NCAPD2: variants seen among roughly 807,000 people sequenced by gnomAD.
NCAPD2 encodes the protein condensin complex subunit 1.
A neutral mutation model predicts 164.5 loss-of-function variants in NCAPD2; 100 were observed. That is an observed-to-expected ratio of 0.61 (90% CI 0.52 to 0.72). The LOEUF (loss-of-function observed/expected upper bound fraction) is 0.72, where lower values mean the gene tolerates loss of function less well. NCAPD2 is among the 30% of genes least tolerant of loss of function. NCAPD2 has a pLI of 0.00. For missense variants in NCAPD2, 1,560 were observed against 1,749.2 expected, an observed-to-expected ratio of 0.89 and a Z score of 1.93; for synonymous variants, 585 against 642.6, an observed-to-expected ratio of 0.91 and a Z score of 1.36.
chr12:6,501,272 G>A (rs1253795488), intron 2 of NCAPD2, among the ~76,000 whole-genome samples: 3 of 117,090 alleles, frequency 2.6e-5, no homozygotes, highest in Admixed American at 1.2e-4. Flanking sequence ...GCAGAGTCTC[G>A]CTCTCTCGCC....
At chr12:6,521,719 T>C (rs1946264909) in intron 14 of NCAPD2, 79 bp from the exon 15 acceptor site, 1 of 1,494,474 alleles carries the variant, frequency 6.7e-7, no homozygotes, top group Non-Finnish European at 9.1e-7. Context: ...AATAAGTAAA[T>C]ATCCAGGAAT....
Position 6,514,369 on chromosome 12 carries a change from T to G in NCAPD2, c.692T>G (p.Leu231Trp). ...ATAACACACCTGCTTGGTGTAGCCT[T>G]GACCCGTTATAACCATATGCTCAGT... ...EAITHLLGVA[L>W]TRYNHMLSAT... The change falls in exon 7 of 32, where the codon TTG becomes TGG. Residue 231 changes from leucine to tryptophan, a missense_variant. By Grantham distance (61) the Leu-to-Trp change is moderately conservative. Coordinates refer to ENST00000315579, the MANE Select transcript of NCAPD2 (RefSeq NM_014865.4). 1 of 1,614,226 alleles carries G rather than the reference T, an allele frequency of 6.2e-7. No individual in the cohort carries two copies. The highest frequency in any genetic ancestry group is 8.5e-7 in the Non-Finnish European group (1 of 1,180,038).
chr12:6,511,015 G>T, intron 5 of NCAPD2, 95 bp from the exon 6 acceptor site: 1 of 1,401,792 alleles, frequency 7.1e-7, no homozygotes, highest in Non-Finnish European at 9.8e-7. Context: ...CTTCTATGTT[G>T]TCTTGGTACT....
At chr12:6,520,397 TACACCCACAGGCACACACCATC>T (rs1565544744) in intron 13 of NCAPD2, among the ~76,000 whole-genome samples, 2 of 104,308 alleles carry the variant, frequency 1.9e-5, no homozygotes, top group Non-Finnish European at 4.5e-5. Flanking sequence ...CACACACCAT[TACACCCACAGGCACACACCATC>T]ACACCCACAG....
chr12:6,508,238 A>G (rs1303691974), intron 2 of NCAPD2, among the ~76,000 whole-genome samples: 1 of 152,128 alleles, frequency 6.6e-6, no homozygotes, highest in Admixed American at 6.6e-5. Context: ...AGTAGGGAGT[A>G]GGCAGTAGGA....
Position 6,531,757 on chromosome 12 carries a change from TCA to T in NCAPD2, c.*349_*350del, listed in dbSNP as rs777501675. ...AGGCGGAGGTTGTAGTGAGCCGAAA[TCA>T]CACCATTGCACTCCAGCTTGGGCAA... is the stretch of plus-strand genomic sequence containing the variant. On this transcript the variant is annotated 3_prime_UTR_variant, in exon 32 of 32. Coordinates refer to ENST00000315579, the MANE Select transcript of NCAPD2 (RefSeq NM_014865.4). The surrounding 1 kb of genome is among the most constrained non-coding windows in gnomAD (Gnocchi z 4.1). The T allele has an allele frequency of 4.0e-5, 13 of 322,756 alleles. No individual in the cohort carries two copies. Among genetic ancestry groups the T allele is most frequent in the Non-Finnish European group, 6.5e-5 (11 of 168,908 alleles). 20.0% of individuals were successfully genotyped at this position (322,756 alleles called of 1,614,324 possible).
chr12:6,529,422 G>A lies in NCAPD2; in HGVS notation c.3573-91G>A, dbSNP rs2137062134. On this transcript the variant is annotated intron_variant, in intron 27 of 31. Transcript: ENST00000315579. ...GGCCGTGGCAGAGAACATCAGAGAAGACGAGTGCTGGGGGAGGGTCCAGGG... is the reference window on the plus strand; with the variant it reads ...GGCCGTGGCAGAGAACATCAGAGAAAACGAGTGCTGGGGGAGGGTCCAGGG... The A allele has an allele frequency of 3.5e-6, 4 of 1,139,950 alleles. No homozygotes were observed. The South Asian group carries it at 5.1e-5, about 14-fold the overall frequency. 70.6% of individuals were successfully genotyped at this position (1,139,950 alleles called of 1,614,324 possible). A position where few individuals can be genotyped will look rare whatever the true frequency, so the allele number is the denominator to read the frequency against.
chr12:6,531,473 C>G lies in NCAPD2; in HGVS notation c.*61C>G. 2 of 1,592,042 alleles carry G rather than the reference C, an allele frequency of 1.3e-6. No homozygotes were observed. The highest frequency in any genetic ancestry group is 1.7e-6 in the Non-Finnish European group (2 of 1,170,974). On this transcript the variant is annotated 3_prime_UTR_variant, in exon 32 of 32. Transcript: ENST00000315579. The surrounding 1 kb of genome is among the most constrained non-coding windows in gnomAD (Gnocchi z 4.1). ...TGTAGGGTGACCTGGAATTCGAATTCTGTTTCCCTTGTAAAATATTTGTCT... is the reference window on the plus strand; with the variant it reads ...TGTAGGGTGACCTGGAATTCGAATTGTGTTTCCCTTGTAAAATATTTGTCT...
At chr12:6,505,401 A>G (rs760218378) in intron 2 of NCAPD2, among the ~76,000 whole-genome samples, 2 of 152,218 alleles carry the variant, frequency 1.3e-5, no homozygotes, top group Non-Finnish European at 2.9e-5. Flanking sequence ...CGAACTGCTC[A>G]CTGGAAGATG....
intron 2 of NCAPD2, among the ~76,000 whole-genome samples, chr12:6,500,841 G>A (rs1946027621): frequency 6.6e-6 from 1 of 152,174 alleles, no homozygotes; most frequent in Non-Finnish European, 1.5e-5. Flanking sequence ...CGACTGTGTT[G>A]AGCAGAGACT....
At position 6,514,555 on chromosome 12, in the gene NCAPD2, TGGAATGAAGAGCATAGTG is replaced by T. The variant is rs1946181562; in HGVS notation, c.811_828del (p.Met271_Gly276del). The stretch of plus-strand genomic sequence containing the variant: ...CCGTGAGTCTATGGGCAACTGACTA[TGGAATGAAGAGCATAGTG>T]GGAGAGATTGTAAGGTGACTCTTCC... On this transcript the variant is annotated inframe_deletion, in exon 8 of 32. Coordinates refer to ENST00000315579, the MANE Select transcript of NCAPD2 (RefSeq NM_014865.4). 1.9e-6 allele frequency: 3 copies of T among 1,614,120 alleles called. No individual in the cohort carries two copies. The highest frequency in any genetic ancestry group is 1.3e-5 in the African/African-American group (1 of 74,932).
At chr12:6,526,760 A>AC in intron 21 of NCAPD2, 131 bp from the exon 22 acceptor site, 1 of 1,412,910 alleles carries the variant, frequency 7.1e-7, no homozygotes, top group Non-Finnish European at 9.7e-7. Context: ...GCCAGTTCCC[A>AC]CCCCCAACTC....
At chr12:6,513,733 T>TTTTTTTTTTTTTTTTTTTTTTTTG (rs1946173101) in intron 6 of NCAPD2, among the ~76,000 whole-genome samples, 1 of 124,282 alleles carries the variant, frequency 8.0e-6, no homozygotes, top group African/African-American at 3.0e-5. Context: ...TTTTTTTTTT[T>TTTTTTTTTTTTTTTTTTTTTTTTG]GTGATGGAGT....
chr12:6,529,987 G>C, intron 29 of NCAPD2, 29 bp downstream of exon 29: 1 of 1,597,406 alleles, frequency 6.3e-7, no homozygotes, highest in Non-Finnish European at 8.6e-7. Flanking sequence ...TTCAATGCCT[G>C]TTGGGTTCTG....
intron 14 of NCAPD2, among the ~76,000 whole-genome samples, chr12:6,521,377 ACATT>A (rs1169465534): frequency 3.3e-5 from 5 of 152,228 alleles, no homozygotes; most frequent in Non-Finnish European, 7.3e-5. Flanking sequence ...TCATATCTTC[ACATT>A]GTGAAAAGAG....
chr12:6,522,991 G>A lies in NCAPD2; in HGVS notation c.2118G>A (p.Gly706=), dbSNP rs1263668716. 6.2e-7 allele frequency: 1 copy of A among 1,614,094 alleles called. No homozygotes were observed. Among genetic ancestry groups the A allele is most frequent in the Admixed American group, 1.7e-5 (1 of 60,006 alleles). ...AYRQLYLNPK[G]DSARAKAQAL... is the part of the protein sequence containing the mutation. Reference sequence around the variant, plus strand: ...GCCAACTCTACCTCAACCCCAAAGGGGACTCTGCCAGGTATATGGGGTGCT... The same window carrying A: ...GCCAACTCTACCTCAACCCCAAAGGAGACTCTGCCAGGTATATGGGGTGCT... Residue 706 remains glycine, a synonymous_variant, in exon 16 of 32, where the codon GGG becomes GGA. Coordinates refer to ENST00000315579, the MANE Select transcript of NCAPD2 (RefSeq NM_014865.4).
intron 29 of NCAPD2, 151 bp downstream of exon 29, chr12:6,530,109 CAGAT>C: frequency 1.4e-6 from 1 of 730,528 alleles, no homozygotes; most frequent in Non-Finnish European, 2.1e-6. Context: ...GACCTAAGAC[CAGAT>C]CTTTGTCTCC....
rs775022978 is a variant in NCAPD2 at position 6,514,847 on chromosome 12, C to T, written c.914C>T (p.Thr305Ile). 1.2e-6 allele frequency: 2 copies of T among 1,614,196 alleles called. No homozygotes were observed. Among genetic ancestry groups the T allele is most frequent in the South Asian group, 1.1e-5 (1 of 91,084 alleles). Residue 305 changes from threonine to isoleucine, a missense_variant, in exon 9 of 32, where the codon ACA becomes ATA. Thr to Ile is a moderately conservative substitution (Grantham distance 89). Coordinates refer to ENST00000315579, the MANE Select transcript of NCAPD2 (RefSeq NM_014865.4). ...SGTKGFAAFL[T>I]ELAERVPAIL... ...ACAAAGGGCTTTGCAGCATTCCTGA[C>T]AGAACTAGCAGAACGTGTCCCAGCT...
At position 6,514,452 on chromosome 12, in the gene NCAPD2, A is replaced by C; in HGVS notation, c.716-12A>C. ...TATTGCCCATAATTTCTCATGTTTAATGCTTCCACAGGTGCTACAGTGAAG... is the reference window on the plus strand; with the variant it reads ...TATTGCCCATAATTTCTCATGTTTACTGCTTCCACAGGTGCTACAGTGAAG... On this transcript the variant is annotated splice_polypyrimidine_tract_variant and intron_variant, in intron 7 of 31. Coordinates refer to ENST00000315579, the MANE Select transcript of NCAPD2 (RefSeq NM_014865.4). 1 of 1,614,176 alleles carries C rather than the reference A, an allele frequency of 6.2e-7. No homozygotes were observed. The highest frequency in any genetic ancestry group is 8.5e-7 in the Non-Finnish European group (1 of 1,180,034).
Sources: gnomAD v4.1 joint callset for allele counts (sites outside exome capture counted in the v4.1 genomes callset) on GRCh38, gnomAD v4.1.1 for gene constraint, Gnocchi (gnomAD v3.1) non-coding constraint, MANE v1.5 for transcripts, NCBI Gene and HGNC (gene_info 2026-07-23, HGNC 2026-07-21) for gene names.